The following PIBF1 variants were observed in gnomAD, a reference collection of about 807,000 sequenced individuals.
The protein encoded by PIBF1 is progesterone-induced-blocking factor 1.
In PIBF1, 90 loss-of-function variants were observed where a neutral mutation model predicts 112.5. The observed-to-expected ratio is 0.80, with a 90% CI of 0.67 to 0.95. The LOEUF (loss-of-function observed/expected upper bound fraction) is 0.95. PIBF1 is among the 40% of genes least tolerant of loss of function. The pLI is 0.00. For synonymous variants in PIBF1, 301 were observed against 288.6 expected, an observed-to-expected ratio of 1.04 and a Z score of -0.44; for missense variants, 915 against 852.3, an observed-to-expected ratio of 1.07 and a Z score of -0.92.
chr13:72,937,003 C>G (rs9600048), intron 14 of PIBF1, among the ~76,000 whole-genome samples: 53,549 of 151,922 alleles, frequency 0.35, 9,822 homozygotes, highest in South Asian at 0.5. Flanking sequence ...AAACTGTCAA[C>G]TGTTTGACAT....
At chr13:72,858,454 T>G (rs768784380) in intron 10 of PIBF1, among the ~76,000 whole-genome samples, 5 of 152,216 alleles carry the variant, frequency 3.3e-5, no homozygotes, top group Non-Finnish European at 7.3e-5. Context: ...TACTGTAGCA[T>G]AGTTGACATT....
chr13:72,956,964 A>T (rs1487655129), intron 14 of PIBF1, among the ~76,000 whole-genome samples: 3 of 152,240 alleles, frequency 2.0e-5, no homozygotes, highest in Non-Finnish European at 4.4e-5. Context: ...CTGCAAAGTG[A>T]TACCACCTCA....
intron 10 of PIBF1, among the ~76,000 whole-genome samples, chr13:72,884,836 C>T (rs2039780659): frequency 6.6e-6 from 1 of 152,026 alleles, no homozygotes; most frequent in Non-Finnish European, 1.5e-5. Context: ...AACAGAAATA[C>T]TAACAAGTAA....
At chr13:72,931,957 T>G (rs1377956221) in intron 14 of PIBF1, among the ~76,000 whole-genome samples, 1 of 99,092 alleles carries the variant, frequency 1.0e-5, no homozygotes, top group Non-Finnish European at 2.1e-5. Flanking sequence ...TTTTTTTTTT[T>G]CTGAGACAGG....
chr13:72,875,768 C>A (rs1464669686), intron 10 of PIBF1, among the ~76,000 whole-genome samples: 1 of 152,088 alleles, frequency 6.6e-6, no homozygotes, highest in Non-Finnish European at 1.5e-5. Flanking sequence ...AGGTCTTTAG[C>A]CCATTTTTTA....
At chr13:72,809,215 G>A in intron 5 of PIBF1, among the ~76,000 whole-genome samples, 1 of 142,654 alleles carries the variant, frequency 7.0e-6, no homozygotes, top group East Asian at 2.1e-4. Context: ...GAGACCCAAA[G>A]CTTTACATTT....
At chr13:72,946,932 T>C (rs1043295548) in intron 14 of PIBF1, among the ~76,000 whole-genome samples, 7 of 152,212 alleles carry the variant, frequency 4.6e-5, no homozygotes, top group African/African-American at 1.7e-4. Flanking sequence ...AAGGTGTTAG[T>C]AGATCTACAG....
At chr13:72,946,117 G>A (rs2042142431) in intron 14 of PIBF1, among the ~76,000 whole-genome samples, 2 of 152,084 alleles carry the variant, frequency 1.3e-5, no homozygotes, top group South Asian at 4.1e-4. Context: ...TGTAATCAAT[G>A]AAGGAAAGAG....
intron 9 of PIBF1, among the ~76,000 whole-genome samples, chr13:72,845,163 C>T (rs184089022): frequency 6.6e-6 from 1 of 151,730 alleles, no homozygotes; most frequent in African/African-American, 2.4e-5. Context: ...AAGTTGGCTC[C>T]AGTGTGTGTT....
intron 14 of PIBF1, among the ~76,000 whole-genome samples, chr13:72,932,720 A>G (rs1321663936): frequency 4.6e-5 from 7 of 152,208 alleles, no homozygotes; most frequent in Admixed American, 4.6e-4. Flanking sequence ...AGCACAGATA[A>G]TAGTAAAATA....
In PIBF1 at chr13:72,997,551, A is replaced by C. The variant is rs1185760014; in HGVS notation, c.2050-1271A>C. On this transcript the variant is annotated intron_variant, in intron 16 of 17. Transcript: ENST00000326291. ...AAAATCTATTAAGGTTATATGGCTT[A>C]AACTCAGCAACACTGCTTTAAAATA... Among the ~76,000 whole-genome samples the C allele has an allele frequency of 2.0e-5, 3 of 152,330 alleles. No homozygotes were observed. The East Asian group carries it at 5.8e-4, about 29-fold the overall frequency.
At chr13:72,784,166 C>T (rs2034462704) in intron 2 of PIBF1, among the ~76,000 whole-genome samples, 1 of 151,014 alleles carries the variant, frequency 6.6e-6, no homozygotes, top group Non-Finnish European at 1.5e-5. Flanking sequence ...TACTTCAAAA[C>T]ATTATGTTGT....
chr13:72,895,971 G>A (rs945615081), intron 11 of PIBF1, among the ~76,000 whole-genome samples: 7 of 152,114 alleles, frequency 4.6e-5, no homozygotes, highest in Non-Finnish European at 7.4e-5. Context: ...TTCAGTTTTC[G>A]TGGGAACTGG....
At chr13:72,955,105 A>G (rs1289160299) in intron 14 of PIBF1, among the ~76,000 whole-genome samples, 1 of 152,242 alleles carries the variant, frequency 6.6e-6, no homozygotes, top group African/African-American at 2.4e-5. Flanking sequence ...CTGATATGGA[A>G]TTACATATAA....
At chr13:72,927,016 C>T (rs1171310477) in intron 13 of PIBF1, among the ~76,000 whole-genome samples, 2 of 150,788 alleles carry the variant, frequency 1.3e-5, no homozygotes, top group South Asian at 2.1e-4. Context: ...ATTCACCCTG[C>T]TTTTCTGCAG....
chr13:72,916,414 A>AT (rs1555313939), intron 12 of PIBF1, among the ~76,000 whole-genome samples: 34 of 149,034 alleles, frequency 2.3e-4, no homozygotes, highest in African/African-American at 5.0e-4. Flanking sequence ...ATATATATAT[A>AT]TTTTTTTAAT....
chr13:72,890,998 T>C (rs2040034112), intron 10 of PIBF1, among the ~76,000 whole-genome samples: 1 of 152,162 alleles, frequency 6.6e-6, no homozygotes, highest in South Asian at 2.1e-4. Context: ...TTATGAAACT[T>C]AGACTATATT....
chr13:72,976,222 C>G (rs11148928), intron 16 of PIBF1, among the ~76,000 whole-genome samples: 30,932 of 151,890 alleles, frequency 0.2, 3,287 homozygotes, highest in Middle Eastern at 0.29. Context: ...CTGATCTCAC[C>G]TGTGAATAGC....
intron 16 of PIBF1, among the ~76,000 whole-genome samples, chr13:72,986,834 G>A (rs2043305060): frequency 6.6e-6 from 1 of 152,062 alleles, no homozygotes; most frequent in African/African-American, 2.4e-5. Context: ...GGGACTACAG[G>A]CGCCCGCCAC....
Sources: gnomAD v4.1 joint callset for allele counts (sites outside exome capture counted in the v4.1 genomes callset) on GRCh38, gnomAD v4.1.1 for gene constraint, MANE v1.5 for transcripts, NCBI Gene and HGNC (gene_info 2026-07-23, HGNC 2026-07-21) for gene names.